CFAP61: variants seen among roughly 807,000 people sequenced by gnomAD.
CFAP61 encodes the protein cilia- and flagella-associated protein 61.
Under a neutral mutation model 135.6 loss-of-function variants are expected in CFAP61, and 107 were observed. The observed-to-expected ratio is 0.79, with a 90% CI of 0.67 to 0.93. The LOEUF is 0.93. CFAP61 is among the 40% of genes least tolerant of loss of function. CFAP61 has a pLI of 0.00. For synonymous variants in CFAP61, 575 were observed against 578.5 expected (o/e 0.99, Z 0.09); for missense variants, 1,507 against 1,556.2 (o/e 0.97, Z 0.53).
intron 18 of CFAP61, among the ~76,000 whole-genome samples, chr20:20,237,073 G>A (rs1238708467): frequency 6.6e-6 from 1 of 152,048 alleles, no homozygotes; most frequent in African/African-American, 2.4e-5. Context: ...CTTTTCAATT[G>A]ACATTTCAAG....
chr20:20,053,559 C>G (rs1360411990), intron 1 of CFAP61, among the ~76,000 whole-genome samples: 1 of 152,160 alleles, frequency 6.6e-6, no homozygotes, highest in Non-Finnish European at 1.5e-5. Flanking sequence ...TTGCAAAGCT[C>G]TTTTGGTGTT....
At chr20:20,259,199 C>G (rs372942286) in intron 20 of CFAP61, among the ~76,000 whole-genome samples, 1 of 150,340 alleles carries the variant, frequency 6.7e-6, no homozygotes, top group Non-Finnish European at 1.5e-5. Flanking sequence ...AACCCAGGCC[C>G]GGTAAGGTGG....
At chr20:20,189,834 G>T (rs2055790162) in intron 14 of CFAP61, among the ~76,000 whole-genome samples, 1 of 152,024 alleles carries the variant, frequency 6.6e-6, no homozygotes, top group African/African-American at 2.4e-5. Context: ...CACTCTTGTT[G>T]CCCAGGCTGG....
chr20:20,210,614 C>T (rs928946170), intron 17 of CFAP61, among the ~76,000 whole-genome samples: 5 of 152,128 alleles, frequency 3.3e-5, no homozygotes, highest in South Asian at 2.1e-4. Context: ...ATGACAGCAG[C>T]GACAGACACA....
At chr20:20,136,208 G>T (rs752011032) in intron 8 of CFAP61, among the ~76,000 whole-genome samples, 1 of 151,802 alleles carries the variant, frequency 6.6e-6, no homozygotes, top group Non-Finnish European at 1.5e-5. Context: ...TAAATGCCTC[G>T]AGGTAGTCTT....
intron 26 of CFAP61, among the ~76,000 whole-genome samples, chr20:20,344,494 G>GA: frequency 6.6e-6 from 1 of 152,178 alleles, no homozygotes; most frequent in Non-Finnish European, 1.5e-5. Flanking sequence ...ACAGGTATAT[G>GA]AAAAATGCTT....
intron 15 of CFAP61, 140 bp downstream of exon 15, chr20:20,191,559 G>T: frequency 1.8e-6 from 1 of 565,892 alleles, no homozygotes; most frequent in Non-Finnish European, 3.1e-6. Context: ...ATCATCATCT[G>T]CCTCTATCCC....
intron 17 of CFAP61, chr20:20,215,260 G>A (rs948704939): frequency 6.6e-6 from 1 of 152,190 alleles, no homozygotes; most frequent in African/African-American, 2.4e-5. Context: ...TGCCTTCATT[G>A]TTCCATGTCC....
At chr20:20,169,136 T>C (rs1466171618) in intron 12 of CFAP61, among the ~76,000 whole-genome samples, 185 bp from the exon 13 acceptor site, 2 of 152,244 alleles carry the variant, frequency 1.3e-5, no homozygotes, top group East Asian at 3.8e-4. Flanking sequence ...TTTTCCCTGC[T>C]CTTGTAGTTG....
intron 26 of CFAP61, among the ~76,000 whole-genome samples, chr20:20,352,227 A>G (rs537744491): frequency 6.6e-6 from 1 of 152,296 alleles, no homozygotes; most frequent in East Asian, 1.9e-4. Context: ...AAACACTTAT[A>G]ACCATCAGAT....
intron 25 of CFAP61, chr20:20,322,688 G>A: frequency 1.0e-6 from 1 of 985,390 alleles, no homozygotes; most frequent in East Asian, 1.1e-4. Context: ...CCAAGAAATG[G>A]GAACTACCCT....
intron 9 of CFAP61, among the ~76,000 whole-genome samples, chr20:20,158,349 G>GAA (rs58068878): frequency 9.8e-6 from 1 of 101,800 alleles, no homozygotes; most frequent in Non-Finnish European, 2.0e-5. Flanking sequence ...GTGGACCTTT[G>GAA]AAAAAAAAAA....
chr20:20,228,666 A>T (rs1638262337), intron 18 of CFAP61: 1 of 251,284 alleles, frequency 4.0e-6, no homozygotes, highest in Non-Finnish European at 7.8e-6. Flanking sequence ...ACAATAGCAG[A>T]TTAGATGGCA....
At chr20:20,213,757 T>C (rs1261867359) in intron 17 of CFAP61, among the ~76,000 whole-genome samples, 1 of 152,090 alleles carries the variant, frequency 6.6e-6, no homozygotes, top group Non-Finnish European at 1.5e-5. Flanking sequence ...AAAGAATAGG[T>C]GATATAATTA....
rs776151243 is a variant in CFAP61, at chr20:20,075,193, G to T, written c.376G>T (p.Val126Leu). Residue 126 changes from valine (V) to leucine (L), a missense_variant, in exon 5 of 27, where the codon GTG becomes TTG. Transcript: ENST00000245957. ...CACCCTCTCTTTCCTCACCAGAACCGTGTATAAGGCAGTGCCAGAGCTGCA... is the reference window on the plus strand; with the variant it reads ...CACCCTCTCTTTCCTCACCAGAACCTTGTATAAGGCAGTGCCAGAGCTGCA... ...VGCCKEILRTVYKAVPELHFI... is the reference protein window; with the variant it reads ...VGCCKEILRTLYKAVPELHFI... The T allele has an allele frequency of 6.2e-7, 1 of 1,613,878 alleles. No individual in the cohort carries two copies. Among genetic ancestry groups the T allele is most frequent in the African/African-American group, 1.3e-5 (1 of 74,894 alleles).
At chr20:20,241,004 ACT>A (rs1211539560) in intron 18 of CFAP61, among the ~76,000 whole-genome samples, 19 of 152,098 alleles carry the variant, frequency 1.2e-4, no homozygotes, top group Admixed American at 8.5e-4. Flanking sequence ...TGCCTAGCTG[ACT>A]CTGTGGATCC....
intron 14 of CFAP61, among the ~76,000 whole-genome samples, chr20:20,188,588 A>G (rs549784009): frequency 3.9e-5 from 6 of 152,352 alleles, no homozygotes; most frequent in African/African-American, 1.4e-4. Context: ...TTTCTAGTGT[A>G]GTAATGCATG....
chr20:20,117,234 C>T (rs956177967), intron 8 of CFAP61, among the ~76,000 whole-genome samples: 1 of 152,114 alleles, frequency 6.6e-6, no homozygotes, highest in African/African-American at 2.4e-5. Flanking sequence ...GTACCAGCTA[C>T]TTGGGAGGCT....
At chr20:20,205,303 G>T (rs1488821903) in intron 17 of CFAP61, among the ~76,000 whole-genome samples, 1 of 152,154 alleles carries the variant, frequency 6.6e-6, no homozygotes, top group East Asian at 1.9e-4. Context: ...AACAGTTACT[G>T]CAATTACCAT....
Sources: gnomAD v4.1 joint callset for allele counts (sites outside exome capture counted in the v4.1 genomes callset) on GRCh38, gnomAD v4.1.1 for gene constraint, MANE v1.5 for transcripts, NCBI Gene and HGNC (gene_info 2026-07-23, HGNC 2026-07-21) for gene names.